Variants in GLIS3 observed in about 807,000 individuals in gnomAD.
GLIS3 encodes zinc finger protein GLIS3.
In GLIS3, 53 loss-of-function variants were observed where a neutral mutation model predicts 78.6. That is an observed-to-expected ratio of 0.67 (90% CI 0.54 to 0.85). GLIS3 has a LOEUF of 0.85. Ranked by LOEUF, GLIS3 falls within the 40% of genes least tolerant of loss-of-function variation. GLIS3 has a pLI of 0.00. For missense variants in GLIS3, 1,703 were observed against 1,231.1 expected (o/e 1.38, Z -5.74); for synonymous variants, 684 against 509.9 (o/e 1.34, Z -4.60).
chr9:4,239,888 G>A (rs558037060), intron 2 of GLIS3, among the ~76,000 whole-genome samples: 3 of 152,272 alleles, frequency 2.0e-5, no homozygotes, highest in Non-Finnish European at 4.4e-5. Context: ...TCCTAACTCT[G>A]TATCATTAGA....
intron 4 of GLIS3, among the ~76,000 whole-genome samples, chr9:4,008,140 G>A (rs1465813255): frequency 6.6e-6 from 1 of 152,214 alleles, no homozygotes; most frequent in Non-Finnish European, 1.5e-5. Flanking sequence ...TAAAAGGCCT[G>A]AGAGTGGCTG....
intron 1 of GLIS3, among the ~76,000 whole-genome samples, chr9:4,289,225 TCTA>T (rs1828250014): frequency 6.6e-6 from 1 of 152,196 alleles, no homozygotes; most frequent in Admixed American, 6.5e-5. Flanking sequence ...GGAATTTGGA[TCTA>T]TTCATTACGG....
chr9:4,273,059 T>C (rs534823635), intron 2 of GLIS3, among the ~76,000 whole-genome samples: 11 of 152,344 alleles, frequency 7.2e-5, no homozygotes, highest in South Asian at 6.2e-4. Context: ...ACTGAAAATA[T>C]AGAGCTTTTA....
At chr9:4,068,803 A>AT (rs1342326187) in intron 4 of GLIS3, among the ~76,000 whole-genome samples, 4 of 137,680 alleles carry the variant, frequency 2.9e-5, no homozygotes, top group East Asian at 2.3e-4. Context: ...GGTTTTTGTT[A>AT]TTTTTTGTGC....
the GLIS3 span, among the ~76,000 whole-genome samples, chr9:4,464,481 A>G: frequency 1.3e-5 from 2 of 151,688 alleles, no homozygotes; most frequent in South Asian, 2.1e-4. Context: ...TGCAACCTCC[A>G]CCTCCTGGGC....
At chr9:3,854,578 C>T (rs1222414090) in intron 9 of GLIS3, among the ~76,000 whole-genome samples, 1 of 151,942 alleles carries the variant, frequency 6.6e-6, no homozygotes, top group African/African-American at 2.4e-5. Flanking sequence ...GCTCTGTCAC[C>T]CTGGCTGGAG....
chr9:4,253,458 C>T (rs560876453), intron 2 of GLIS3, among the ~76,000 whole-genome samples: 29 of 152,322 alleles, frequency 1.9e-4, no homozygotes, highest in African/African-American at 2.9e-4. Flanking sequence ...GACGCTCCCC[C>T]GACCAAGCTC....
chr9:4,473,126 C>G, the GLIS3 span, among the ~76,000 whole-genome samples: 22 of 152,088 alleles, frequency 1.4e-4, no homozygotes, highest in African/African-American at 5.3e-4. Flanking sequence ...TATTGCAGCA[C>G]TATTCACAAT....
the GLIS3 span, among the ~76,000 whole-genome samples, chr9:4,456,598 C>T: frequency 6.6e-6 from 1 of 152,216 alleles, no homozygotes; most frequent in East Asian, 1.9e-4. Context: ...GTGCAAGAGG[C>T]CTAGCTTTCA....
the GLIS3 span, among the ~76,000 whole-genome samples, chr9:4,441,583 G>C: frequency 6.6e-6 from 1 of 152,020 alleles, no homozygotes; most frequent in East Asian, 1.9e-4. Flanking sequence ...AAGTTCATCA[G>C]GGATATTGAC....
intron 8 of GLIS3, among the ~76,000 whole-genome samples, chr9:3,876,530 G>C (rs1821320161): frequency 6.8e-6 from 1 of 147,874 alleles, no homozygotes; most frequent in African/African-American, 2.5e-5. Flanking sequence ...GTCCTTCTTA[G>C]GAGATCCCTA....
At position 4,039,249 on chromosome 9, in the gene GLIS3, T is replaced by C. The variant is rs80109501; in HGVS notation, c.1710+78519A>G. Among the ~76,000 whole-genome samples the C allele has an allele frequency of 3.8e-3, 579 of 152,302 alleles. 21 individuals are homozygous for C. The East Asian group carries it at 0.099, about 26-fold the overall frequency. ...TTATTCATAAAGGTATTTCTGCATA[T>C]ATTATGTAATTGGTGCCGAGGACCA... On this transcript the variant is annotated intron_variant, in intron 4 of 10. Transcript: ENST00000381971.
At chr9:4,140,748 G>A (rs1333623090) in intron 2 of GLIS3, among the ~76,000 whole-genome samples, 2 of 151,386 alleles carry the variant, frequency 1.3e-5, no homozygotes, top group East Asian at 1.9e-4. Context: ...GTGCTCCTTC[G>A]TCTCAAGAGA....
At chr9:4,200,828 C>T (rs923915867) in intron 2 of GLIS3, among the ~76,000 whole-genome samples, 1 of 152,154 alleles carries the variant, frequency 6.6e-6, no homozygotes, top group Non-Finnish European at 1.5e-5. Context: ...TCCTGCCTAA[C>T]TCGTTCTATG....
At chr9:4,169,955 A>T (rs1351317553) in intron 2 of GLIS3, among the ~76,000 whole-genome samples, 1 of 152,198 alleles carries the variant, frequency 6.6e-6, no homozygotes, top group Admixed American at 6.5e-5. Context: ...CTTAGACACA[A>T]GCGTCCTCAC....
chr9:3,867,677 T>C lies in GLIS3; in HGVS notation c.2298-11493A>G, dbSNP rs186226716. Among the ~76,000 whole-genome samples the C allele has an allele frequency of 2.6e-5, 4 of 152,220 alleles. No homozygotes were observed. In the East Asian group the frequency reaches 5.8e-4, roughly 22 times the overall value. ...TTCTGCCTCTGTACTGCTCACAACA[T>C]TGAGATCAGGAACAACTTTTATTAC... On this transcript the variant is annotated intron_variant, in intron 8 of 10. Coordinates refer to ENST00000381971, the MANE Select transcript of GLIS3 (RefSeq NM_001042413.2).
At chr9:4,388,025 A>G in the GLIS3 span, among the ~76,000 whole-genome samples, 1 of 152,206 alleles carries the variant, frequency 6.6e-6, no homozygotes, top group African/African-American at 2.4e-5. Flanking sequence ...GGTTAAAAGG[A>G]GCGAACCAAT....
At chr9:3,930,911 G>A (rs1026334690) in intron 6 of GLIS3, among the ~76,000 whole-genome samples, 10 of 152,070 alleles carry the variant, frequency 6.6e-5, no homozygotes, top group African/African-American at 2.4e-4. Context: ...AATAGACGGT[G>A]GTTCTGCTGA....
At chr9:4,187,817 G>A (rs1817949930) in intron 2 of GLIS3, among the ~76,000 whole-genome samples, 1 of 152,084 alleles carries the variant, frequency 6.6e-6, no homozygotes, top group Non-Finnish European at 1.5e-5. Context: ...TGGTGTATAA[G>A]AATGCTTGTG....
Sources: allele counts gnomAD v4.1 joint callset (sites outside exome capture counted in the v4.1 genomes callset), GRCh38; gene constraint gnomAD v4.1.1; transcripts MANE v1.5; gene names NCBI Gene and HGNC (gene_info 2026-07-23, HGNC 2026-07-21).